Variants in MMP16 observed in about 807,000 individuals in gnomAD.
MMP16 encodes matrix metallopeptidase 16.
A neutral mutation model predicts 67.8 loss-of-function variants in MMP16; 12 were observed. The observed-to-expected ratio is 0.18, with a 90% CI of 0.11 to 0.29. The LOEUF is 0.29. Ranked by LOEUF, MMP16 falls within the 10% of genes least tolerant of loss-of-function variation. The pLI is 1.00. For missense variants in MMP16, 475 were observed against 765.7 expected (o/e 0.62, Z 4.48); for synonymous variants, 249 against 255.9 (o/e 0.97, Z 0.26).
At chr8:88,164,618 T>A (rs1481948038) in intron 4 of MMP16, among the ~76,000 whole-genome samples, 1 of 152,092 alleles carries the variant, frequency 6.6e-6, no homozygotes, top group East Asian at 1.9e-4. Flanking sequence ...TCTGAAACAC[T>A]ATTATTTTGC....
chr8:88,262,028 T>C lies in MMP16; in HGVS notation c.133-64722A>G, dbSNP rs575630073. ...CTCATTAAGGCAAAGGACTATGATCTCTCTAGTTCTACATTCCAGTGCCTA... is the reference window on the plus strand; with the variant it reads ...CTCATTAAGGCAAAGGACTATGATCCCTCTAGTTCTACATTCCAGTGCCTA... On this transcript the variant is annotated intron_variant, in intron 1 of 9. Transcript: ENST00000286614. Among the ~76,000 whole-genome samples the C allele has an allele frequency of 2.0e-5, 3 of 152,276 alleles. No individual in the cohort carries two copies. In the East Asian group the frequency reaches 5.8e-4, roughly 29 times the overall value.
intron 1 of MMP16, among the ~76,000 whole-genome samples, chr8:88,277,892 T>A (rs1357066787): frequency 6.6e-6 from 1 of 152,212 alleles, no homozygotes; most frequent in East Asian, 1.9e-4. Context: ...TAGGTGTTCC[T>A]CATGCAGTAA....
chr8:88,158,898 C>A (rs1808562863), intron 4 of MMP16, among the ~76,000 whole-genome samples: 1 of 152,156 alleles, frequency 6.6e-6, no homozygotes, highest in Non-Finnish European at 1.5e-5. Flanking sequence ...AGCCAGTTTT[C>A]CCAGCACCAT....
intron 6 of MMP16, among the ~76,000 whole-genome samples, chr8:88,101,482 C>G (rs1473225287): frequency 1.3e-5 from 2 of 151,836 alleles, no homozygotes; most frequent in African/African-American, 4.8e-5. Flanking sequence ...GTTTATGTGT[C>G]AATGGCACAT....
At chr8:88,294,339 T>C (rs779625845) in intron 1 of MMP16, among the ~76,000 whole-genome samples, 4 of 150,556 alleles carry the variant, frequency 2.7e-5, no homozygotes, top group Non-Finnish European at 4.5e-5. Context: ...TGTCTATATA[T>C]GTGTATATGT....
intron 4 of MMP16, among the ~76,000 whole-genome samples, chr8:88,119,657 C>A (rs975500049): frequency 6.6e-6 from 1 of 152,034 alleles, no homozygotes; most frequent in Non-Finnish European, 1.5e-5. Flanking sequence ...ATGACTTCTA[C>A]ATTTTGTTCA....
At chr8:88,099,890 T>C (rs1338860760) in intron 6 of MMP16, among the ~76,000 whole-genome samples, 1 of 151,974 alleles carries the variant, frequency 6.6e-6, no homozygotes, top group Non-Finnish European at 1.5e-5. Context: ...GATTAGTTGA[T>C]TAATGTCTAT....
chr8:88,158,113 A>G (rs1343624810), intron 4 of MMP16, among the ~76,000 whole-genome samples: 2 of 152,056 alleles, frequency 1.3e-5, no homozygotes, highest in African/African-American at 4.8e-5. Flanking sequence ...GCTATTGTGA[A>G]TAGTGCCACA....
intron 6 of MMP16, among the ~76,000 whole-genome samples, chr8:88,099,417 T>A (rs1329353699): frequency 2.0e-5 from 3 of 151,830 alleles, no homozygotes; most frequent in African/African-American, 7.2e-5. Context: ...AAAAGTGACA[T>A]AAAAGTATCA....
At chr8:88,155,065 G>T (rs1452732291) in intron 4 of MMP16, among the ~76,000 whole-genome samples, 1 of 152,012 alleles carries the variant, frequency 6.6e-6, no homozygotes, top group Non-Finnish European at 1.5e-5. Context: ...GGATGAGTAT[G>T]TGAAAATACA....
chr8:88,114,314 A>G (rs1435515834), intron 6 of MMP16, among the ~76,000 whole-genome samples: 1 of 151,746 alleles, frequency 6.6e-6, no homozygotes, highest in Non-Finnish European at 1.5e-5. Flanking sequence ...TTGCTGTACC[A>G]CCCACTTCTT....
intron 7 of MMP16, among the ~76,000 whole-genome samples, chr8:88,072,056 C>G (rs2616487): frequency 2.6e-5 from 4 of 151,938 alleles, no homozygotes; most frequent in Admixed American, 6.6e-5. Context: ...TCAGATGGTA[C>G]GTGCACAAGT....
chr8:88,264,030 GCA>G (rs146313996), intron 1 of MMP16, among the ~76,000 whole-genome samples: 5,392 of 30,924 alleles, frequency 0.17, 203 homozygotes, highest in South Asian at 0.39. Context: ...TACAAAAATG[GCA>G]CATATATATA....
At chr8:88,195,386 C>T (rs1809233735) in intron 2 of MMP16, among the ~76,000 whole-genome samples, 1 of 152,024 alleles carries the variant, frequency 6.6e-6, no homozygotes, top group Non-Finnish European at 1.5e-5. Flanking sequence ...ATTTGTTTCC[C>T]AAGTCCTCAG....
chr8:88,077,271 A>C (rs1347904516), intron 6 of MMP16, among the ~76,000 whole-genome samples: 1 of 152,204 alleles, frequency 6.6e-6, no homozygotes, highest in African/African-American at 2.4e-5. Flanking sequence ...CAGTGGATGT[A>C]AACTCATGTC....
chr8:88,081,956 T>C (rs1264987742), intron 6 of MMP16, among the ~76,000 whole-genome samples: 1 of 151,938 alleles, frequency 6.6e-6, no homozygotes, highest in Non-Finnish European at 1.5e-5. Context: ...CCAATAAATT[T>C]GAAAAATAAA....
intron 7 of MMP16, 45 bp downstream of exon 7, chr8:88,074,558 CAA>C: frequency 1.9e-6 from 3 of 1,593,052 alleles, no homozygotes; most frequent in Non-Finnish European, 2.6e-6. Flanking sequence ...GGGTCCTATA[CAA>C]AATGATTAAA....
chr8:88,158,326 A>T (rs965051021), intron 4 of MMP16, among the ~76,000 whole-genome samples: 2 of 152,184 alleles, frequency 1.3e-5, no homozygotes, highest in Non-Finnish European at 2.9e-5. Context: ...CATCCTCTCC[A>T]GCACCTGTTG....
chr8:88,192,303 G>C (rs935949782), intron 2 of MMP16, among the ~76,000 whole-genome samples: 2 of 152,112 alleles, frequency 1.3e-5, no homozygotes, highest in Non-Finnish European at 2.9e-5. Flanking sequence ...TTAACTGCCT[G>C]TATAGACACA....
Sources: gnomAD v4.1 joint callset for allele counts (sites outside exome capture counted in the v4.1 genomes callset) on GRCh38, gnomAD v4.1.1 for gene constraint, MANE v1.5 for transcripts, NCBI Gene and HGNC (gene_info 2026-07-23, HGNC 2026-07-21) for gene names.